The following HMGB2 variants were observed in gnomAD, a reference collection of about 807,000 sequenced individuals.
HMGB2 encodes high mobility group protein B2.
Under a neutral mutation model 23.0 loss-of-function variants are expected in HMGB2, and 2 were observed. The observed-to-expected ratio is 0.09, with a 90% CI of 0.04 to 0.27. The LOEUF is 0.27. HMGB2 is among the 10% of genes least tolerant of loss of function. HMGB2 has a pLI of 1.00. For synonymous variants in HMGB2, 99 were observed against 87.5 expected (o/e 1.13, Z -0.73); for missense variants, 178 against 256.5 (o/e 0.69, Z 2.09).
Position 173,333,443 on chromosome 4 carries a change from C to T in HMGB2, c.150+57G>A, listed in dbSNP as rs1002492482. 2.7e-5 allele frequency: 42 copies of T among 1,573,316 alleles called. No homozygotes were observed. The highest frequency in any genetic ancestry group is 3.5e-5 in the Non-Finnish European group (40 of 1,157,962). ...GAGTTGCCTACTACCTGCCTAAGGC[C>T]CTCCTAGCCGAAAACCACACCTGCA... is the stretch of plus-strand genomic sequence containing the variant. On this transcript the variant is annotated intron_variant, in intron 2 of 4. Coordinates refer to ENST00000296503, the MANE Select transcript of HMGB2 (RefSeq NM_002129.4). This position sits in a 1 kb window ranked among gnomAD's most constrained non-coding sequence, Gnocchi z 4.6.
Position 173,331,907 on chromosome 4 carries a change from A to C in HMGB2, c.*173T>G. 1.1e-6 allele frequency: 1 copy of C among 887,316 alleles called. No homozygotes were observed. The allele number at this position is 887,316 out of a possible 1,614,324, so 55.0% of individuals were successfully genotyped here. On this transcript the variant is annotated 3_prime_UTR_variant, in exon 5 of 5. Coordinates refer to ENST00000296503, the MANE Select transcript of HMGB2 (RefSeq NM_002129.4). The stretch of plus-strand genomic sequence containing the variant: ...TATGAGTAGCCCATCAAAAAGCTAC[A>C]ACCTGCATTTTTTAAAAGTATTTTC...
Position 173,332,098 on chromosome 4 carries a change from C to G in HMGB2, c.612G>C (p.Glu204Asp), listed in dbSNP as rs768539166. ...EEEEDEDEEEEDEDEE is the reference protein window; with the variant it reads ...EEEEDEDEEEDDEDEE ...TAGCCATTTATTCTTCATCTTCATCCTCTTCCTCCTCATCTTCATCTTCTT... is the reference window on the plus strand; with the variant it reads ...TAGCCATTTATTCTTCATCTTCATCGTCTTCCTCCTCATCTTCATCTTCTT... Residue 204 changes from glutamate to aspartate, a missense_variant, in exon 5 of 5, where the codon GAG (glutamate) becomes GAC (aspartate). Glu to Asp is a conservative substitution (Grantham distance 45). This residue lies in a region of HMGB2 where 45 missense variants were observed against 38.8 expected (regional missense o/e 1.16). Coordinates refer to ENST00000296503, the MANE Select transcript of HMGB2 (RefSeq NM_002129.4). 1.9e-6 allele frequency: 3 copies of G among 1,612,022 alleles called. No individual in the cohort carries two copies. Among genetic ancestry groups the G allele is most frequent in the Non-Finnish European group, 2.5e-6 (3 of 1,178,268 alleles).
chr4:173,332,917 A>G lies in HMGB2; in HGVS notation c.375T>C (p.Thr125=), dbSNP rs1259859319. The change falls in exon 4 of 5, where the codon ACT becomes ACC. Residue 125 remains threonine (T), a synonymous_variant. Transcript: ENST00000296503. ...SEHPGLSIGD[T]AKKLGEMWSE... is the part of the protein sequence containing the mutation. ...ACCACATTTCACCCAATTTCTTTGC[A>G]GTATCCCCAATGGATAGGCCAGGGT... The G allele has an allele frequency of 6.2e-7, 1 of 1,614,176 alleles. No homozygotes were observed. Among genetic ancestry groups the G allele is most frequent in the Admixed American group, 1.7e-5 (1 of 60,030 alleles).
rs1280032317 is a variant in HMGB2 at position 173,332,101 on chromosome 4, T to C, written c.609A>G (p.Glu203=). The C allele has an allele frequency of 1.9e-6, 3 of 1,612,030 alleles. No homozygotes were observed. In the East Asian group the frequency reaches 6.7e-5, roughly 36 times the overall value. ...CCATTTATTCTTCATCTTCATCCTC[T>C]TCCTCCTCATCTTCATCTTCTTCTT... The part of the protein sequence containing the change: ...EEEEEDEDEE[E]EDEDEE Residue 203 remains glutamate, a synonymous_variant, in exon 5 of 5, where the codon GAA becomes GAG. Transcript: ENST00000296503.
Position 173,334,311 on chromosome 4 carries a change from G to C in HMGB2, c.-60C>G, listed in dbSNP as rs772699972. 3 of 152,440 alleles carry C rather than the reference G, an allele frequency of 2.0e-5. No homozygotes were observed. The highest frequency in any genetic ancestry group is 4.4e-5 in the Non-Finnish European group (3 of 68,234). 9.4% of individuals were successfully genotyped at this position (152,440 alleles called of 1,614,324 possible). ...TCCTCAGAGTCCCGCAGAGCGGCCG[G>C]ACCCAACGGAGACGCTTCCCTCACG... On this transcript the variant is annotated 5_prime_UTR_variant, in exon 1 of 5. Transcript: ENST00000296503.
Position 173,334,136 on chromosome 4 carries a change from C to T in HMGB2, c.-21+136G>A, listed in dbSNP as rs567368474. 796 of 153,008 alleles carry T rather than the reference C, an allele frequency of 5.2e-3. 9 individuals carry two copies. Among genetic ancestry groups the T allele is most frequent in the African/African-American group, 0.019 (769 of 41,544 alleles). 9.5% of individuals were successfully genotyped at this position (153,008 alleles called of 1,614,324 possible). ...GCCCGCCGGCCCTCCACAGACCCAG[C>T]CCTCGCCGGCCCGCACCCCAAATGC... On this transcript the variant is annotated intron_variant, in intron 1 of 4. Transcript: ENST00000296503.
In HMGB2 at chr4:173,333,142, TCTCC is replaced by T. The variant is rs1205703651; in HGVS notation, c.219_222del (p.Glu74Ter). 2.5e-6 allele frequency: 4 copies of T among 1,614,148 alleles called. No homozygotes were observed. The highest frequency in any genetic ancestry group is 3.4e-6 in the Non-Finnish European group (4 of 1,179,996). On this transcript the variant is annotated frameshift_variant, in exon 3 of 5. Transcript: ENST00000296503. LOFTEE classifies it high-confidence loss of function. The surrounding 1 kb of genome is among the most constrained non-coding windows in gnomAD (Gnocchi z 4.6). ...CCTTTGGGAGGAACGTAATTTTTCATCTCCCTGTCATAGCGAGCTTTGTCACTTT... is the reference window on the plus strand; with the variant it reads ...CCTTTGGGAGGAACGTAATTTTTCATCTGTCATAGCGAGCTTTGTCACTTT...
Position 173,333,348 on chromosome 4 carries a change from C to T in HMGB2, c.151-134G>A. On this transcript the variant is annotated intron_variant, in intron 2 of 4. Transcript: ENST00000296503. The surrounding 1 kb of genome is among the most constrained non-coding windows in gnomAD (Gnocchi z 4.6). ...TTTCGAAGTCTTATATAAGTAAAAA[C>T]CTAAAATCGTCTGCCTGGAACTCTT... 7.3e-7 allele frequency: 1 copy of T among 1,366,880 alleles called. No homozygotes were observed. Among genetic ancestry groups the T allele is most frequent in the Non-Finnish European group, 1.0e-6 (1 of 1,003,388 alleles). The allele number at this position is 1,366,880 out of a possible 1,614,324, so 84.7% of individuals were successfully genotyped here.
Position 173,331,406 on chromosome 4 carries a change from A to G in HMGB2, c.*674T>C, listed in dbSNP as rs1049885773. Among the ~76,000 whole-genome samples, 4 of 147,300 alleles carry G rather than the reference A, an allele frequency of 2.7e-5. No individual in the cohort carries two copies. Among genetic ancestry groups the G allele is most frequent in the African/African-American group, 1.0e-4 (4 of 40,144 alleles). ...TATATATATATATATGTATATATAT[A>G]TACACACACCTGAGGAACAATTTAG... On this transcript the variant is annotated 3_prime_UTR_variant, in exon 5 of 5. Coordinates refer to ENST00000296503, the MANE Select transcript of HMGB2 (RefSeq NM_002129.4).
In HMGB2 at chr4:173,333,541, T is replaced by C. The variant is rs762385899; in HGVS notation, c.109A>G (p.Asn37Asp). Residue 37 changes from asparagine (N) to aspartate (D), a missense_variant, in exon 2 of 5, where the codon AAT (asparagine) becomes GAT (aspartate). By Grantham distance (23) the Asn-to-Asp change is conservative. Transcript: ENST00000296503. This position sits in a 1 kb window ranked among gnomAD's most constrained non-coding sequence, Gnocchi z 4.6. Reference protein sequence around the residue: ...HKKKHPDSSVNFAEFSKKCSE... With the variant: ...HKKKHPDSSVDFAEFSKKCSE... ...CACTTCTTGGAGAATTCCGCGAAATTGACGGAAGAGTCCGGGTGTTTCTTC... is the reference window on the plus strand; with the variant it reads ...CACTTCTTGGAGAATTCCGCGAAATCGACGGAAGAGTCCGGGTGTTTCTTC... 3 of 1,614,184 alleles carry C rather than the reference T, an allele frequency of 1.9e-6. No individual in the cohort carries two copies. The highest frequency in any genetic ancestry group is 8.5e-7 in the Non-Finnish European group (1 of 1,180,004).
At chr4:173,332,439 G>GTT (rs1738126235) in intron 4 of HMGB2, 1 of 550,230 alleles carries the variant, frequency 1.8e-6, no homozygotes, top group Non-Finnish European at 3.2e-6. Context: ...CGATACAGCA[G>GTT]TATCAGTACT....
At chr4:173,334,096 C>T (rs1225084883) in intron 1 of HMGB2, 176 bp downstream of exon 1, 1 of 152,746 alleles carries the variant, frequency 6.5e-6, no homozygotes, top group Non-Finnish European at 1.5e-5. Context: ...GGGGCAGTTT[C>T]CGCCTCCTCC....
intron 4 of HMGB2, 48 bp from the exon 5 acceptor site, chr4:173,332,286 G>A: frequency 2.9e-6 from 4 of 1,369,400 alleles, no homozygotes; most frequent in Non-Finnish European, 2.0e-6. Context: ...TTACTCAACT[G>A]TGAAAAACCA....
chr4:173,333,856 CCCTCCT>C lies in HMGB2; in HGVS notation c.-20-193_-20-188del, dbSNP rs532000010. Among the ~76,000 whole-genome samples the C allele has an allele frequency of 6.6e-6, 1 of 151,238 alleles. No homozygotes were observed. The highest frequency in any genetic ancestry group is 2.0e-4 in the East Asian group (1 of 5,100). On this transcript the variant is annotated intron_variant, in intron 1 of 4. Transcript: ENST00000296503. This position sits in a 1 kb window ranked among gnomAD's most constrained non-coding sequence, Gnocchi z 4.6. ...GCCCCCGCCCGCGCCCCGGCGCACA[CCCTCCT>C]CCTCCTCCTCCTCCCGGCCCGAGCG...
chr4:173,332,095 A>ATCCTCTTCC lies in HMGB2; in HGVS notation c.606_614dup (p.Glu202_Glu204dup), dbSNP rs1352755921. On this transcript the variant is annotated inframe_insertion, in exon 5 of 5. Transcript: ENST00000296503. ...GGATAGCCATTTATTCTTCATCTTC[A>ATCCTCTTCC]TCCTCTTCCTCCTCATCTTCATCTT... The ATCCTCTTCC allele has an allele frequency of 6.2e-7, 1 of 1,612,506 alleles. No individual in the cohort carries two copies. Among genetic ancestry groups the ATCCTCTTCC allele is most frequent in the Admixed American group, 1.7e-5 (1 of 59,992 alleles).
rs533439401 is a variant in HMGB2, at chr4:173,333,357, G to A, written c.150+143C>T. ...CTTATATAAGTAAAAACCTAAAATC[G>A]TCTGCCTGGAACTCTTAAGATATTC... On this transcript the variant is annotated intron_variant, in intron 2 of 4. Coordinates refer to ENST00000296503, the MANE Select transcript of HMGB2 (RefSeq NM_002129.4). This position sits in a 1 kb window ranked among gnomAD's most constrained non-coding sequence, Gnocchi z 4.6. The A allele has an allele frequency of 8.7e-5, 118 of 1,360,638 alleles. 1 individual carries two copies. The Middle Eastern group carries it at 2.0e-3, about 23-fold the overall frequency. The allele number at this position is 1,360,638 out of a possible 1,614,324, so 84.3% of individuals were successfully genotyped here. A position where few individuals can be genotyped will look rare whatever the true frequency, so the allele number is the denominator to read the frequency against.
Position 173,331,725 on chromosome 4 carries a change from AT to A in HMGB2, c.*354del, listed in dbSNP as rs993663829. The A allele has an allele frequency of 1.7e-5, 3 of 172,108 alleles. No homozygotes were observed. Among genetic ancestry groups the A allele is most frequent in the Non-Finnish European group, 3.7e-5 (3 of 81,174 alleles). The allele number at this position is 172,108 out of a possible 1,614,324, so 10.7% of individuals were successfully genotyped here. ...ATAATATACATAATTTTATTACAAA[AT>A]TTTTTTTAAAAAAACGAAATGCAAC... On this transcript the variant is annotated 3_prime_UTR_variant, in exon 5 of 5. Coordinates refer to ENST00000296503, the MANE Select transcript of HMGB2 (RefSeq NM_002129.4).
chr4:173,333,617 G>A lies in HMGB2; in HGVS notation c.33C>T (p.Gly11=), dbSNP rs200580073. 1 of 1,614,056 alleles carries A rather than the reference G, an allele frequency of 6.2e-7. No individual in the cohort carries two copies. Among genetic ancestry groups the A allele is most frequent in the East Asian group, 2.2e-5 (1 of 44,862 alleles). Residue 11 remains glycine, a synonymous_variant, in exon 2 of 5, where the codon GGC becomes GGT. Coordinates refer to ENST00000296503, the MANE Select transcript of HMGB2 (RefSeq NM_002129.4). This position sits in a 1 kb window ranked among gnomAD's most constrained non-coding sequence, Gnocchi z 4.6. MGKGDPNKPR[G]KMSSYAFFVQ... Reference sequence around the variant, plus strand: ...CGAAGAAGGCGTACGAGGACATTTTGCCCCGCGGCTTGTTGGGGTCTCCTT... The same window carrying A: ...CGAAGAAGGCGTACGAGGACATTTTACCCCGCGGCTTGTTGGGGTCTCCTT...
Position 173,333,719 on chromosome 4 carries a change from C to A in HMGB2, c.-20-50G>T. 2 of 1,432,502 alleles carry A rather than the reference C, an allele frequency of 1.4e-6. No individual in the cohort carries two copies. Among genetic ancestry groups the A allele is most frequent in the Non-Finnish European group, 1.9e-6 (2 of 1,065,112 alleles). The allele number at this position is 1,432,502 out of a possible 1,614,324, so 88.7% of individuals were successfully genotyped here. On this transcript the variant is annotated intron_variant, in intron 1 of 4. Coordinates refer to ENST00000296503, the MANE Select transcript of HMGB2 (RefSeq NM_002129.4). The surrounding 1 kb of genome is among the most constrained non-coding windows in gnomAD (Gnocchi z 4.6). ...GGAAGCCGGAGGGTCGGCGCGGAGC[C>A]CGCAGCTGCCAGGGCGGGCGCTGGC...
Sources: allele counts gnomAD v4.1 joint callset (sites outside exome capture counted in the v4.1 genomes callset), GRCh38; gene constraint gnomAD v4.1.1; regional missense constraint gnomAD v4.1.1; non-coding constraint Gnocchi (gnomAD v3.1); transcripts MANE v1.5; gene names NCBI Gene and HGNC (gene_info 2026-07-23, HGNC 2026-07-21).